OC90: variants seen among roughly 807,000 people sequenced by gnomAD.
OC90 encodes otoconin 90, also known as otoconin-90.
Under a neutral mutation model 47.3 loss-of-function variants are expected in OC90, and 46 were observed. The observed-to-expected ratio is 0.97, with a 90% confidence interval of 0.77 to 1.24. The LOEUF (loss-of-function observed/expected upper bound fraction) is 1.24. OC90 is among the 50% of genes most tolerant of loss of function. The probability of loss-of-function intolerance (pLI) is 0.00; values close to 1 mark genes in which losing one functional copy is unlikely to be tolerated. For synonymous variants in OC90, 271 were observed against 219.5 expected (o/e 1.23, Z -2.07); for missense variants, 688 against 583.9 (o/e 1.18, Z -1.84).
chr8:132,041,528 T>C lies in OC90; in HGVS notation c.341A>G (p.Asp114Gly), dbSNP rs1586711891. 6.2e-7 allele frequency: 1 copy of C among 1,610,258 alleles called. No individual in the cohort carries two copies. Among genetic ancestry groups the C allele is most frequent in the Non-Finnish European group, 8.5e-7 (1 of 1,178,214 alleles). ...EMEGLPVDESDSCCFQHRRCY... is the reference protein window; with the variant it reads ...EMEGLPVDESGSCCFQHRRCY... Reference sequence around the variant, plus strand: ...CTCACCTGTGGAACTCACTTACCTGTCAGATTCATCCACAGGCAACCCTTC... The same window carrying C: ...CTCACCTGTGGAACTCACTTACCTGCCAGATTCATCCACAGGCAACCCTTC... Residue 114 changes from aspartate to glycine, a missense_variant, in exon 5 of 14, where the codon GAC (aspartate) becomes GGC (glycine). Physicochemically the swap from Asp to Gly is moderately conservative, Grantham distance 94 (BLOSUM62 -1). Transcript: ENST00000254627.
At chr8:132,057,284 T>C (rs959949200) in intron 1 of OC90, among the ~76,000 whole-genome samples, 3 of 152,098 alleles carry the variant, frequency 2.0e-5, no homozygotes, top group African/African-American at 4.8e-5. Flanking sequence ...GAATGATCAG[T>C]TTTGCACAGT....
At chr8:132,036,051 A>G (rs1329373877) in intron 9 of OC90, among the ~76,000 whole-genome samples, 1 of 152,216 alleles carries the variant, frequency 6.6e-6, no homozygotes, top group Non-Finnish European at 1.5e-5. Context: ...TGGTTAGGTT[A>G]ACTCTGCTGA....
At chr8:132,035,617 G>C (rs1157006300) in intron 9 of OC90, among the ~76,000 whole-genome samples, 1 of 152,204 alleles carries the variant, frequency 6.6e-6, no homozygotes, top group South Asian at 2.1e-4. Flanking sequence ...GACTATGCTA[G>C]TGTTCTATGA....
At chr8:132,029,204 T>G in intron 12 of OC90, 25 bp from the exon 13 acceptor site, 1 of 1,570,462 alleles carries the variant, frequency 6.4e-7, no homozygotes. Flanking sequence ...AACCCTTTAC[T>G]TCTCAGAGCT....
At chr8:132,036,833 G>A (rs1019977767) in intron 9 of OC90, among the ~76,000 whole-genome samples, 2 of 152,330 alleles carry the variant, frequency 1.3e-5, no homozygotes, top group East Asian at 1.9e-4. Flanking sequence ...TTCCATAGGC[G>A]TGTATAAGCA....
chr8:132,032,168 C>T, intron 11 of OC90, 116 bp from the exon 12 acceptor site: 1 of 866,666 alleles, frequency 1.2e-6, no homozygotes, highest in South Asian at 1.6e-5. Context: ...CAAAGGAACC[C>T]CATGTCTTAC....
At chr8:132,042,229 G>C (rs1823064377) in intron 4 of OC90, among the ~76,000 whole-genome samples, 1 of 152,166 alleles carries the variant, frequency 6.6e-6, no homozygotes, top group Non-Finnish European at 1.5e-5. Context: ...CAAGTCTAAA[G>C]TTGAAAAAAC....
At chr8:132,035,602 A>T (rs537040783) in intron 9 of OC90, among the ~76,000 whole-genome samples, 40 of 152,366 alleles carry the variant, frequency 2.6e-4, no homozygotes, top group African/African-American at 9.6e-4. Flanking sequence ...GTATTCAAAA[A>T]TCAAGACTAT....
chr8:132,050,277 G>T (rs555323552), intron 2 of OC90, among the ~76,000 whole-genome samples: 2 of 152,154 alleles, frequency 1.3e-5, no homozygotes, highest in Admixed American at 6.5e-5. Flanking sequence ...GACCCTGAAG[G>T]CCTCAGAGGG....
chr8:132,045,765 T>C, intron 3 of OC90, 53 bp downstream of exon 3: 1 of 1,004,316 alleles, frequency 1.0e-6, no homozygotes, highest in Non-Finnish European at 1.5e-6. Flanking sequence ...TCTCTGCCAA[T>C]ATCCTAGACA....
chr8:132,045,127 C>T (rs932849597), intron 3 of OC90, among the ~76,000 whole-genome samples: 1 of 152,176 alleles, frequency 6.6e-6, no homozygotes, highest in Non-Finnish European at 1.5e-5. Flanking sequence ...TTAAAGAAGG[C>T]CTCCTGGTGG....
chr8:132,038,132 T>C (rs552106019), intron 8 of OC90, among the ~76,000 whole-genome samples: 7 of 152,172 alleles, frequency 4.6e-5, no homozygotes, highest in Non-Finnish European at 1.0e-4. Context: ...TGAGAGATCA[T>C]GGAAACTGGT....
intron 8 of OC90, among the ~76,000 whole-genome samples, chr8:132,038,281 G>A (rs1037143643): frequency 6.6e-5 from 10 of 152,332 alleles, no homozygotes; most frequent in African/African-American, 2.4e-4. Context: ...GCGAAAAGCA[G>A]CCTCCCCATC....
At chr8:132,052,625 G>A (rs944684034) in intron 2 of OC90, among the ~76,000 whole-genome samples, 6 of 152,228 alleles carry the variant, frequency 3.9e-5, no homozygotes, top group Admixed American at 1.3e-4. Flanking sequence ...CTTTATCCCC[G>A]AGGACTAAGT....
chr8:132,039,167 G>A, intron 6 of OC90, 44 bp from the exon 7 acceptor site: 2 of 1,557,950 alleles, frequency 1.3e-6, no homozygotes, highest in Non-Finnish European at 1.7e-6. Context: ...ATCTCAGCTG[G>A]AATCCCAAGA....
intron 2 of OC90, among the ~76,000 whole-genome samples, chr8:132,051,098 G>T (rs1283958971): frequency 6.6e-6 from 1 of 152,172 alleles, no homozygotes; most frequent in African/African-American, 2.4e-5. Flanking sequence ...AAACAACAGG[G>T]TTTAAAGAGA....
At chr8:132,043,268 T>C (rs543478274) in intron 4 of OC90, among the ~76,000 whole-genome samples, 1 of 152,324 alleles carries the variant, frequency 6.6e-6, no homozygotes, top group East Asian at 1.9e-4. Context: ...TTGGAAAGCA[T>C]TTGTTTTGTC....
intron 13 of OC90, among the ~76,000 whole-genome samples, chr8:132,028,563 A>AAAGAAAGAAAGAGAGGAAGGAAGG (rs1354516292): frequency 1.3e-4 from 4 of 31,382 alleles, no homozygotes; most frequent in Non-Finnish European, 2.3e-4. Flanking sequence ...AGAAAGAAAG[A>AAAGAAAGAAAGAGAGGAAGGAAGG]AAGGAAGGAA....
At chr8:132,031,572 TG>T (rs1405255216) in intron 12 of OC90, among the ~76,000 whole-genome samples, 1 of 152,170 alleles carries the variant, frequency 6.6e-6, no homozygotes, top group African/African-American at 2.4e-5. Context: ...TTGGCCCTCT[TG>T]GGGTAGCTGG....
Sources: allele counts gnomAD v4.1 joint callset (sites outside exome capture counted in the v4.1 genomes callset), GRCh38; gene constraint gnomAD v4.1.1; transcripts MANE v1.5; gene names NCBI Gene and HGNC (gene_info 2026-07-23, HGNC 2026-07-21).